Variants in FAM161B observed in about 807,000 individuals in gnomAD.
FAM161B encodes FAM161 centrosomal protein B.
FAM161B carries 46 observed loss-of-function variants against 61.5 expected under a neutral mutation model. The observed-to-expected ratio is 0.75, with a 90% confidence interval of 0.59 to 0.96. The LOEUF is 0.96. Among genes scored for constraint, FAM161B ranks in the 40% least tolerant of loss-of-function variants. FAM161B has a pLI of 0.00. For synonymous variants in FAM161B, 284 were observed against 302.7 expected, an observed-to-expected ratio of 0.94 and a Z score of 0.64; for missense variants, 774 against 800.7, an observed-to-expected ratio of 0.97 and a Z score of 0.40.
downstream of FAM161B, chr14:73,931,534 G>A (rs754501204): frequency 6.8e-6 from 11 of 1,608,040 alleles, no homozygotes; most frequent in East Asian, 2.2e-5. Flanking sequence ...ACTGAAAGAC[G>A]GACATGAGCG....
chr14:73,946,351 GTCC>G lies in FAM161B; in HGVS notation c.306_308del (p.Glu102del), dbSNP rs775442307. On this transcript the variant is annotated inframe_deletion, in exon 2 of 9. Coordinates refer to ENST00000286544, the MANE Select transcript of FAM161B (RefSeq NM_152445.3). ...CCTTGTCTTGGAAGAAACTCTCCAG[GTCC>G]TCCTCATCTTCAGAGAGGTTTTCAT... 1.2e-6 allele frequency: 2 copies of G among 1,614,118 alleles called. No individual in the cohort carries two copies. The highest frequency in any genetic ancestry group is 2.2e-5 in the South Asian group (2 of 91,088).
Position 73,942,704 on chromosome 14 carries a change from A to G in FAM161B, c.937T>C (p.Phe313Leu), listed in dbSNP as rs1594777536. The G allele has an allele frequency of 6.2e-7, 1 of 1,612,550 alleles. No individual in the cohort carries two copies. Among genetic ancestry groups the G allele is most frequent in the Non-Finnish European group, 8.5e-7 (1 of 1,178,782 alleles). ...CTCATTTGGATGCGAATTTTCCTGA[A>G]GAGCTCAGCTTCTGTGGAGAAAGGA... ...LGDKLQEAEL[F>L]RKIRIQMRAL... The change falls in exon 4 of 9, where the codon TTC becomes CTC. Residue 313 changes from phenylalanine to leucine, a missense_variant. Phe to Leu is a conservative substitution (Grantham distance 22). Transcript: ENST00000286544.
In FAM161B at chr14:73,944,428, C is replaced by T. The variant is rs760164221; in HGVS notation, c.832G>A (p.Ala278Thr). 17 of 1,613,218 alleles carry T rather than the reference C, an allele frequency of 1.1e-5. No individual in the cohort carries two copies. The highest frequency in any genetic ancestry group is 3.3e-4 in the Middle Eastern group (2 of 6,078). Residue 278 changes from alanine to threonine, a missense_variant, in exon 3 of 9, where the codon GCA (alanine) becomes ACA (threonine). Ala to Thr is a moderately conservative substitution (Grantham distance 58). Coordinates refer to ENST00000286544, the MANE Select transcript of FAM161B (RefSeq NM_152445.3). Reference protein sequence around the residue: ...LKEAARQRDLAATAEAKISKQ... With the variant: ...LKEAARQRDLTATAEAKISKQ... Reference sequence around the variant, plus strand: ...GAGATCTTGGCTTCAGCTGTGGCTGCCAAGTCTCTCTGTCGAGCAGCTTCC... The same window carrying T: ...GAGATCTTGGCTTCAGCTGTGGCTGTCAAGTCTCTCTGTCGAGCAGCTTCC...
chr14:73,942,329 G>A (rs740506), intron 4 of FAM161B, 40 bp downstream of exon 4: 744,846 of 1,578,640 alleles, frequency 0.47, 178,800 homozygotes, highest in South Asian at 0.51. Context: ...TGTATTTCAG[G>A]CCGCAGCCCT....
In FAM161B at chr14:73,950,077, G is replaced by C; in HGVS notation, c.-51C>G. The C allele has an allele frequency of 6.2e-7, 1 of 1,604,922 alleles. No individual in the cohort carries two copies. Among genetic ancestry groups the C allele is most frequent in the Non-Finnish European group, 8.5e-7 (1 of 1,179,108 alleles). ...CAGTGACAGCGATAGTGGCAGCAGC[G>C]GTGGCAGCGAGAGCTATGCGGGGCC... On this transcript the variant is annotated 5_prime_UTR_variant, in exon 1 of 9. Coordinates refer to ENST00000286544, the MANE Select transcript of FAM161B (RefSeq NM_152445.3).
chr14:73,944,645 C>T lies in FAM161B; in HGVS notation c.615G>A (p.Gln205=), dbSNP rs1258809850. The change falls in exon 3 of 9, where the codon CAG becomes CAA. Residue 205 remains glutamine (Q), a synonymous_variant. Transcript: ENST00000286544. ...TGTGGCACTCGGCCTCTTCCTCACC[C>T]TGCCTCTGGGCCCGCTGCCTCTCCT... ...FEQERQRAQR[Q]GEEEAECHRQ... 8 of 1,613,984 alleles carry T rather than the reference C, an allele frequency of 5.0e-6. No individual in the cohort carries two copies. Among genetic ancestry groups the T allele is most frequent in the Non-Finnish European group, 6.8e-6 (8 of 1,179,950 alleles).
chr14:73,925,333 A>T, the FAM161B span, among the ~76,000 whole-genome samples: 17 of 151,830 alleles, frequency 1.1e-4, no homozygotes, highest in African/African-American at 4.1e-4. Context: ...TATTATGGAA[A>T]TTTTCAGAGT....
At chr14:73,931,251 T>C (rs1054204804), downstream of FAM161B, among the ~76,000 whole-genome samples, 1 of 152,156 alleles carries the variant, frequency 6.6e-6, no homozygotes, top group African/African-American at 2.4e-5. Flanking sequence ...ACACAAACAA[T>C]AGTTTGGCTT....
chr14:73,947,289 G>A (rs2056075050), intron 1 of FAM161B, among the ~76,000 whole-genome samples: 1 of 151,124 alleles, frequency 6.6e-6, no homozygotes, highest in East Asian at 1.9e-4. Context: ...GGAGGCTGAG[G>A]CAGGAGAATC....
rs543467416 is a variant in FAM161B at position 73,937,672 on chromosome 14, T to C, written c.1595A>G (p.Tyr532Cys). The part of the protein sequence containing the change: ...RNNDRKRAKE[Y>C]KKELEEMKQR... ...CTTCATTTCCTCCAGTTCTTTCTTA[T>C]ATTCTTTCGCTCTTTTACGGTCATT... is the stretch of plus-strand genomic sequence containing the variant. The change falls in exon 7 of 9, where the codon TAT (tyrosine) becomes TGT (cysteine). Residue 532 changes from tyrosine (Y) to cysteine (C), a missense_variant. Transcript: ENST00000286544. 152 of 1,614,066 alleles carry C rather than the reference T, an allele frequency of 9.4e-5. No individual in the cohort carries two copies. The highest frequency in any genetic ancestry group is 1.1e-4 in the South Asian group (10 of 91,074).
intron 5 of FAM161B, 25 bp downstream of exon 5, chr14:73,940,901 G>T: frequency 6.3e-7 from 1 of 1,591,208 alleles, no homozygotes; most frequent in Non-Finnish European, 8.6e-7. Context: ...TCAGAGCATG[G>T]GTCTCGTGCA....
At chr14:73,937,480 G>A (rs2140342868) in intron 7 of FAM161B, 122 bp downstream of exon 7, 1 of 808,014 alleles carries the variant, frequency 1.2e-6, no homozygotes, top group Admixed American at 2.5e-5. Context: ...GAAGGTAGTA[G>A]TGAAATTAGA....
At chr14:73,937,066 CACAT>C (rs1008568632) in intron 7 of FAM161B, among the ~76,000 whole-genome samples, 2 of 147,220 alleles carry the variant, frequency 1.4e-5, no homozygotes, top group African/African-American at 5.0e-5. Flanking sequence ...CACTCACACA[CACAT>C]ACACATGCAT....
At position 73,942,315 on chromosome 14, in the gene FAM161B, A is replaced by G. The variant is rs1462128096; in HGVS notation, c.1272+54T>C. 5.8e-6 allele frequency: 9 copies of G among 1,548,786 alleles called. No individual in the cohort carries two copies. In the East Asian group the frequency reaches 2.0e-4, roughly 35 times the overall value. On this transcript the variant is annotated intron_variant, in intron 4 of 8. Transcript: ENST00000286544. ...GTGCTTTCCAGGAAGACCTGGCCCC[A>G]CCCTGTATTTCAGGCCGCAGCCCTG... is the stretch of plus-strand genomic sequence containing the variant.
downstream of FAM161B, among the ~76,000 whole-genome samples, chr14:73,930,966 T>C (rs1379881408): frequency 6.6e-6 from 1 of 152,204 alleles, no homozygotes; most frequent in Non-Finnish European, 1.5e-5. Context: ...GAATAGAGCC[T>C]TGTGTATAGA....
chr14:73,923,672 A>G, the FAM161B span: 2 of 1,052,948 alleles, frequency 1.9e-6, no homozygotes, highest in South Asian at 3.3e-5. Flanking sequence ...TCAGCTTGAA[A>G]GGAGCCTGAG....
intron 5 of FAM161B, among the ~76,000 whole-genome samples, chr14:73,939,345 G>C (rs1159788611): frequency 6.6e-6 from 1 of 152,130 alleles, no homozygotes; most frequent in Non-Finnish European, 1.5e-5. Flanking sequence ...ACATTCAATA[G>C]GTCTTCGCCT....
At chr14:73,931,174 G>T (rs1252003324), downstream of FAM161B, among the ~76,000 whole-genome samples, 1 of 152,050 alleles carries the variant, frequency 6.6e-6, no homozygotes, top group Non-Finnish European at 1.5e-5. Flanking sequence ...TAAGATTTTG[G>T]TTCCACCATT....
downstream of FAM161B, among the ~76,000 whole-genome samples, chr14:73,929,136 C>G (rs2055875343): frequency 6.6e-6 from 1 of 152,194 alleles, no homozygotes; most frequent in Non-Finnish European, 1.5e-5. Flanking sequence ...TACCCTCTGT[C>G]TGAGCCTCAC....
Sources: gnomAD v4.1 joint callset for allele counts (sites outside exome capture counted in the v4.1 genomes callset) on GRCh38, gnomAD v4.1.1 for gene constraint, MANE v1.5 for transcripts, NCBI Gene and HGNC (gene_info 2026-07-23, HGNC 2026-07-21) for gene names.